Variants in ISOC2 observed in about 807,000 individuals in gnomAD.
The protein encoded by ISOC2 is isochorismatase domain containing 2.
ISOC2 carries 15 observed loss-of-function variants against 19.3 expected under a neutral mutation model. The observed-to-expected ratio is 0.78, with a 90% CI of 0.52 to 1.20. ISOC2 has a LOEUF of 1.20. Among genes scored for constraint, ISOC2 ranks in the 50% most tolerant of loss-of-function variants. The pLI is 0.00. For missense variants in ISOC2, 285 were observed against 272.4 expected (o/e 1.05, Z -0.33); for synonymous variants, 106 against 115.8 (o/e 0.92, Z 0.54).
In ISOC2 at chr19:55,453,296, C is replaced by T; in HGVS notation, c.*12G>A. 1.9e-6 allele frequency: 3 copies of T among 1,596,724 alleles called. No individual in the cohort carries two copies. The highest frequency in any genetic ancestry group is 2.6e-6 in the Non-Finnish European group (3 of 1,171,422). ...ACAGGAGGGTGGTCTTCCCTCAAGGCAGGGTTGGAGTTCAGTGGAGGAGGG... is the reference window on the plus strand; with the variant it reads ...ACAGGAGGGTGGTCTTCCCTCAAGGTAGGGTTGGAGTTCAGTGGAGGAGGG... On this transcript the variant is annotated 3_prime_UTR_variant, in exon 6 of 6. Coordinates refer to ENST00000425675, the MANE Select transcript of ISOC2 (RefSeq NM_001136201.2).
intron 1 of ISOC2, among the ~76,000 whole-genome samples, chr19:55,460,633 G>A (rs895073161): frequency 1.3e-5 from 2 of 152,260 alleles, no homozygotes; most frequent in Non-Finnish European, 2.9e-5. Flanking sequence ...ATCCTGGGAT[G>A]TGGCGCATGT....
At chr19:55,457,277 C>A (rs1046266358) in intron 1 of ISOC2, 1 of 153,816 alleles carries the variant, frequency 6.5e-6, no homozygotes, top group African/African-American at 2.4e-5. Context: ...CAGTGGCTCA[C>A]GCCTATAATC....
rs752911668 is a variant in ISOC2 at position 55,455,016 on chromosome 19, G to A, written c.510C>T (p.Gly170=). Residue 170 remains glycine (G), a synonymous_variant, in exon 5 of 6, where the codon GGC becomes GGT. Coordinates refer to ENST00000425675, the MANE Select transcript of ISOC2 (RefSeq NM_001136201.2). ...TSEGLILQLV[G]DAVHPQFKEI... is the part of the protein sequence containing the mutation. Reference sequence around the variant, plus strand: ...CCTTGAACTGGGGGTGGACGGCATCGCCCACAAGCTGCAGAATGAGCCCTT... The same window carrying A: ...CCTTGAACTGGGGGTGGACGGCATCACCCACAAGCTGCAGAATGAGCCCTT... 21 of 1,613,186 alleles carry A rather than the reference G, an allele frequency of 1.3e-5. No homozygotes were observed. The highest frequency in any genetic ancestry group is 8.9e-5 in the East Asian group (4 of 44,868).
At chr19:55,461,080 T>A (rs1417014034) in intron 1 of ISOC2, among the ~76,000 whole-genome samples, 1 of 151,378 alleles carries the variant, frequency 6.6e-6, no homozygotes, top group Non-Finnish European at 1.5e-5. Context: ...GTTGGGCGTG[T>A]CCTGCGGAAC....
In ISOC2 at chr19:55,453,035, C is replaced by G. The variant is rs1430784745; in HGVS notation, c.*273G>C. 1 of 415,758 alleles carries G rather than the reference C, an allele frequency of 2.4e-6. No individual in the cohort carries two copies. The highest frequency in any genetic ancestry group is 4.3e-6 in the Non-Finnish European group (1 of 233,092). The allele number at this position is 415,758 out of a possible 1,614,324, so 25.8% of individuals were successfully genotyped here. A position where few individuals can be genotyped will look rare whatever the true frequency, so the allele number is the denominator to read the frequency against. The stretch of plus-strand genomic sequence containing the variant: ...CGAGTCCGTGTCCCACAGTCTGAGA[C>G]TCTTCTTCCCCTCCCCTTCCCGCCC... On this transcript the variant is annotated 3_prime_UTR_variant, in exon 6 of 6. Coordinates refer to ENST00000425675, the MANE Select transcript of ISOC2 (RefSeq NM_001136201.2).
intron 5 of ISOC2, chr19:55,454,180 C>T (rs1985968749): frequency 1.3e-5 from 2 of 152,766 alleles, no homozygotes; most frequent in African/African-American, 2.4e-5. Context: ...AAAGCTCAGT[C>T]CCCCTCCCCT....
rs567217386 is a variant in ISOC2 at position 55,461,524 on chromosome 19, G to C, written c.-16C>G. ...AGAGAGGACTTACCCGGAAGGTGCC[G>C]GGTTCGAGCCCGGAACGGCCCCTCT... On this transcript the variant is annotated 5_prime_UTR_variant, in exon 1 of 6. Transcript: ENST00000425675. 1.3e-5 allele frequency: 2 copies of C among 152,382 alleles called. No individual in the cohort carries two copies. Among genetic ancestry groups the C allele is most frequent in the African/African-American group, 2.4e-5 (1 of 41,580 alleles). 9.4% of individuals were successfully genotyped at this position (152,382 alleles called of 1,614,324 possible). A position where few individuals can be genotyped will look rare whatever the true frequency, so the allele number is the denominator to read the frequency against.
chr19:55,453,329 G>A lies in ISOC2; in HGVS notation c.597C>T (p.Gly199=). ...PDSGLLGLFQ[G]QNSLLH ...GAGTTCAGTGGAGGAGGGAGTTCTG[G>A]CCTTGGAAGAGGCCCAGCAGTCCGC... The change falls in exon 6 of 6, where the codon GGC becomes GGT. Residue 199 remains glycine, a synonymous_variant. Transcript: ENST00000425675. 3.1e-6 allele frequency: 5 copies of A among 1,608,126 alleles called. No individual in the cohort carries two copies. Among genetic ancestry groups the A allele is most frequent in the Non-Finnish European group, 4.2e-6 (5 of 1,177,548 alleles).
intron 3 of ISOC2, 135 bp from the exon 4 acceptor site, chr19:55,455,465 G>A (rs990872395): frequency 5.9e-5 from 73 of 1,247,286 alleles, no homozygotes; most frequent in Non-Finnish European, 7.8e-5. Flanking sequence ...GGGGCCCCCA[G>A]GTCAGGAGGG....
rs979260346 is a variant in ISOC2, at chr19:55,456,342, G to A, written c.138+7C>T. On this transcript the variant is annotated splice_region_variant and intron_variant, in intron 2 of 5. Coordinates refer to ENST00000425675, the MANE Select transcript of ISOC2 (RefSeq NM_001136201.2). ...CTGGGTCTGAGGGTGGGGGGCTGAGGTCATACCTTGAGCATGCGGGCAGCC... is the reference window on the plus strand; with the variant it reads ...CTGGGTCTGAGGGTGGGGGGCTGAGATCATACCTTGAGCATGCGGGCAGCC... The A allele has an allele frequency of 2.5e-6, 4 of 1,612,882 alleles. No homozygotes were observed. Among genetic ancestry groups the A allele is most frequent in the Non-Finnish European group, 3.4e-6 (4 of 1,179,330 alleles).
intron 1 of ISOC2, among the ~76,000 whole-genome samples, chr19:55,459,327 G>C (rs1366905404): frequency 6.6e-6 from 1 of 152,000 alleles, no homozygotes; most frequent in African/African-American, 2.4e-5. Context: ...TGGTTAAAAT[G>C]GTCAATTTTA....
intron 1 of ISOC2, 135 bp from the exon 2 acceptor site, chr19:55,456,624 T>A: frequency 8.8e-7 from 1 of 1,133,678 alleles, no homozygotes; most frequent in Non-Finnish European, 1.2e-6. Flanking sequence ...CCTCAAGGTC[T>A]CTGTGTCTGC....
chr19:55,455,789 C>G lies in ISOC2; in HGVS notation c.195G>C (p.Leu65=). The change falls in exon 3 of 6, where the codon CTG becomes CTC. Residue 65 remains leucine, a synonymous_variant. Transcript: ENST00000425675. ...VMLTEQYPQG[L]GPTVPELGTE... ...TCCCCAGCTCGGGCACCGTGGGGCC[C>G]AGGCCTTGTGGGTACTGCTCCGTCA... The G allele has an allele frequency of 6.4e-7, 1 of 1,565,828 alleles. No homozygotes were observed. Among genetic ancestry groups the G allele is most frequent in the Non-Finnish European group, 8.7e-7 (1 of 1,155,304 alleles).
chr19:55,455,481 A>G, intron 3 of ISOC2, 151 bp from the exon 4 acceptor site: 1 of 1,170,702 alleles, frequency 8.5e-7, no homozygotes, highest in Non-Finnish European at 1.2e-6. Context: ...GAGGGGATCC[A>G]AGATAGGATG....
At chr19:55,456,603 C>T in intron 1 of ISOC2, 114 bp from the exon 2 acceptor site, 1 of 1,338,748 alleles carries the variant, frequency 7.5e-7, no homozygotes, top group Non-Finnish European at 1.0e-6. Context: ...ACCTTGCCAA[C>T]CTTCTTCCCA....
At position 55,455,838 on chromosome 19, in the gene ISOC2, C is replaced by T. The variant is rs749829649; in HGVS notation, c.146G>A (p.Arg49Gln). Reference protein sequence around the residue: ...SVAARMLKVARLLEVPVMLTE... With the variant: ...SVAARMLKVAQLLEVPVMLTE... ...CAGCATGACTGGCACCTCAAGCAGC[C>T]GGGCCACCTGTGCCAGTGATGGGGA... The change falls in exon 3 of 6, where the codon CGG becomes CAG. Residue 49 changes from arginine to glutamine, a missense_variant. Coordinates refer to ENST00000425675, the MANE Select transcript of ISOC2 (RefSeq NM_001136201.2). The T allele has an allele frequency of 2.6e-6, 4 of 1,524,656 alleles. No homozygotes were observed. The highest frequency in any genetic ancestry group is 1.2e-5 in the South Asian group (1 of 82,954). 94.4% of individuals were successfully genotyped at this position (1,524,656 alleles called of 1,614,324 possible).
intron 1 of ISOC2, among the ~76,000 whole-genome samples, chr19:55,460,479 A>G (rs1329037321): frequency 6.6e-6 from 1 of 152,196 alleles, no homozygotes; most frequent in Non-Finnish European, 1.5e-5. Flanking sequence ...AATTCTGGAC[A>G]ATGTGCAACA....
intron 1 of ISOC2, 37 bp from the exon 2 acceptor site, chr19:55,456,526 G>A (rs1370882329): frequency 1.2e-6 from 2 of 1,608,016 alleles, no homozygotes; most frequent in Non-Finnish European, 1.7e-6. Context: ...TCAGGCCCGA[G>A]GGCTCCTCTC....
chr19:55,455,604 C>A, intron 3 of ISOC2, 32 bp downstream of exon 3: 1 of 1,523,028 alleles, frequency 6.6e-7, no homozygotes, highest in Non-Finnish European at 8.9e-7. Flanking sequence ...CAGGTTAGAA[C>A]GAGGGACCCC....
Sources: allele counts gnomAD v4.1 joint callset (sites outside exome capture counted in the v4.1 genomes callset), GRCh38; gene constraint gnomAD v4.1.1; transcripts MANE v1.5; gene names NCBI Gene and HGNC (gene_info 2026-07-23, HGNC 2026-07-21).